Variants in DYNC2H1 observed in about 807,000 individuals in gnomAD.
The protein encoded by DYNC2H1 is dynein cytoplasmic 2 heavy chain 1, also known as cytoplasmic dynein 2 heavy chain 1.
A neutral mutation model predicts 570.0 loss-of-function variants in DYNC2H1; 410 were observed. The observed-to-expected ratio is 0.72, with a 90% CI of 0.66 to 0.78. DYNC2H1 has a LOEUF of 0.78. Ranked by LOEUF, DYNC2H1 falls within the 30% of genes least tolerant of loss-of-function variation. The pLI is 0.00. For missense variants in DYNC2H1, 4,865 were observed against 5,046.4 expected (o/e 0.96, Z 1.09); for synonymous variants, 1,688 against 1,677.6 (o/e 1.01, Z -0.15).
chr11:103,245,138 C>A lies in DYNC2H1; in HGVS notation c.9919-113C>A. The stretch of plus-strand genomic sequence containing the variant: ...GTGAGTAATTTATTACCTATAGAAT[C>A]TGAAATTGTGTTTCTATAACATTTT... On this transcript the variant is annotated intron_variant, in intron 64 of 88. Transcript: ENST00000375735. The surrounding 1 kb of genome is among the most constrained non-coding windows in gnomAD (Gnocchi z 4.5). The A allele has an allele frequency of 2.2e-6, 2 of 918,866 alleles. No individual in the cohort carries two copies. Among genetic ancestry groups the A allele is most frequent in the South Asian group, 3.8e-5 (2 of 52,186 alleles). The allele number at this position is 918,866 out of a possible 1,614,324, so 56.9% of individuals were successfully genotyped here.
At chr11:103,230,027 G>A (rs994913549) in intron 59 of DYNC2H1, among the ~76,000 whole-genome samples, 6 of 152,130 alleles carry the variant, frequency 3.9e-5, no homozygotes, top group Non-Finnish European at 8.8e-5. Flanking sequence ...AACTGATTCT[G>A]ATTCAGATAT....
At chr11:103,166,756 T>C (rs893207754) in intron 31 of DYNC2H1, among the ~76,000 whole-genome samples, 5 of 152,086 alleles carry the variant, frequency 3.3e-5, no homozygotes, top group Non-Finnish European at 5.9e-5. Context: ...GATTTTCTCA[T>C]ATTCTTTAGT....
chr11:103,186,055 G>A lies in DYNC2H1; in HGVS notation c.6634-187G>A, dbSNP rs1269081810. 6.6e-6 allele frequency among the ~76,000 whole-genome samples: 1 copy of A among 151,774 alleles called. No homozygotes were observed. Among genetic ancestry groups the A allele is most frequent in the Non-Finnish European group, 1.5e-5 (1 of 67,900 alleles). On this transcript the variant is annotated intron_variant, in intron 41 of 88. Coordinates refer to ENST00000375735, the MANE Select transcript of DYNC2H1 (RefSeq NM_001377.3). The surrounding 1 kb of genome is among the most constrained non-coding windows in gnomAD (Gnocchi z 4.5). Reference sequence around the variant, plus strand: ...CTCCTATATATACTTTAATTTACTTGCATAAATGATCATTTAGAGAAAAAT... The same window carrying A: ...CTCCTATATATACTTTAATTTACTTACATAAATGATCATTTAGAGAAAAAT...
At position 103,256,126 on chromosome 11, in the gene DYNC2H1, C is replaced by A; in HGVS notation, c.10347C>A (p.Gly3449=). Residue 3449 remains glycine, a synonymous_variant, in exon 68 of 89, where the codon GGC becomes GGA. Coordinates refer to ENST00000375735, the MANE Select transcript of DYNC2H1 (RefSeq NM_001377.3). The surrounding 1 kb of genome is among the most constrained non-coding windows in gnomAD (Gnocchi z 4.0). The part of the protein sequence containing the change: ...SLLETLATSQ[G]NILENKDLIE... ...TACAGACACTTGCCACATCTCAAGGCAATATTTTGGAAAATAAGGATTTGA... is the reference window on the plus strand; with the variant it reads ...TACAGACACTTGCCACATCTCAAGGAAATATTTTGGAAAATAAGGATTTGA... 1 of 1,605,446 alleles carries A rather than the reference C, an allele frequency of 6.2e-7. No homozygotes were observed.
At chr11:103,458,501 T>G (rs1033819681) in intron 87 of DYNC2H1, among the ~76,000 whole-genome samples, 4 of 152,148 alleles carry the variant, frequency 2.6e-5, no homozygotes, top group Non-Finnish European at 5.9e-5. Flanking sequence ...CCCGAGCATT[T>G]CAGATAAGGG....
chr11:103,336,881 A>C (rs1001195446), intron 82 of DYNC2H1, among the ~76,000 whole-genome samples: 2 of 152,090 alleles, frequency 1.3e-5, no homozygotes, highest in African/African-American at 4.8e-5. Flanking sequence ...CAATATACTG[A>C]TTTCCTTTTT....
rs1261129983 is a variant in DYNC2H1 at position 103,428,181 on chromosome 11, T to G, written c.12367-7762T>G. On this transcript the variant is annotated intron_variant, in intron 84 of 88. Transcript: ENST00000375735. Reference sequence around the variant, plus strand: ...ATGGATATATGGTCTCTCTATAACATGAGCTTTTTTTTTTTTTTTCAGAAT... The same window carrying G: ...ATGGATATATGGTCTCTCTATAACAGGAGCTTTTTTTTTTTTTTTCAGAAT... 1.8e-5 allele frequency among the ~76,000 whole-genome samples: 2 copies of G among 112,864 alleles called. 1 individual carries two copies. Among genetic ancestry groups the G allele is most frequent in the East Asian group, 5.4e-4 (2 of 3,728 alleles). The allele number at this position is 112,864 out of a possible 152,430, so 74.0% of individuals were successfully genotyped here.
In DYNC2H1 at chr11:103,399,774, G is replaced by A. The variant is rs376545196; in HGVS notation, c.12268G>A (p.Val4090Ile). 40 of 1,613,774 alleles carry A rather than the reference G, an allele frequency of 2.5e-5. No individual in the cohort carries two copies. In the African/African-American group the frequency reaches 4.9e-4, roughly 20 times the overall value. The change falls in exon 84 of 89, where the codon GTC (valine) becomes ATC (isoleucine). Residue 4090 changes from valine to isoleucine, a missense_variant. Physicochemically the swap from Val to Ile is conservative, Grantham distance 29. This residue lies in a region of DYNC2H1 where 2,401 missense variants were observed against 2,454.6 expected (regional missense o/e 0.98). Transcript: ENST00000375735. ...QFNAIRLVQSVHQSLAALSKV... is the reference protein window; with the variant it reads ...QFNAIRLVQSIHQSLAALSKV... ...TAATGCTATTCGTTTAGTACAAAGTGTCCACCAGTCTCTTGCTGCTCTCAG... is the reference window on the plus strand; with the variant it reads ...TAATGCTATTCGTTTAGTACAAAGTATCCACCAGTCTCTTGCTGCTCTCAG...
chr11:103,406,025 T>C (rs1942852667), intron 84 of DYNC2H1, among the ~76,000 whole-genome samples: 1 of 152,026 alleles, frequency 6.6e-6, no homozygotes, highest in Non-Finnish European at 1.5e-5. Flanking sequence ...TTAGGATGTT[T>C]AGCTGTTAAC....
intron 5 of DYNC2H1, among the ~76,000 whole-genome samples, chr11:103,117,211 ATATATATATATTTAATATATG>A (rs1378681033): frequency 6.8e-6 from 1 of 146,916 alleles, no homozygotes; most frequent in Non-Finnish European, 1.5e-5. Context: ...AATTGTATAT[ATATATATATATTTAATATATG>A]TATATATATA....
At chr11:103,309,586 A>G (rs1415791842) in intron 78 of DYNC2H1, among the ~76,000 whole-genome samples, 1 of 151,840 alleles carries the variant, frequency 6.6e-6, no homozygotes, top group Non-Finnish European at 1.5e-5. Context: ...ATTAATCCAG[A>G]AATGCAAAGA....
At chr11:103,475,890 C>T (rs1322570270) in intron 88 of DYNC2H1, among the ~76,000 whole-genome samples, 1 of 152,056 alleles carries the variant, frequency 6.6e-6, no homozygotes, top group Non-Finnish European at 1.5e-5. Flanking sequence ...AAAGGAATAA[C>T]ATCGTAAAAC....
chr11:103,324,352 G>A lies in DYNC2H1; in HGVS notation c.12039+362G>A, dbSNP rs1938362230. Among the ~76,000 whole-genome samples, 1 of 152,064 alleles carries A rather than the reference G, an allele frequency of 6.6e-6. No individual in the cohort carries two copies. The highest frequency in any genetic ancestry group is 2.4e-5 in the African/African-American group (1 of 41,404). ...CCTCCACCCTCAAGTAGGCCCTGGT[G>A]TCTGTTGTTCCCTTCTTTGTATCCA... On this transcript the variant is annotated intron_variant, in intron 82 of 88. Transcript: ENST00000375735. The surrounding 1 kb of genome is among the most constrained non-coding windows in gnomAD (Gnocchi z 5.2).
intron 52 of DYNC2H1, among the ~76,000 whole-genome samples, chr11:103,208,236 A>AT (rs1863013748): frequency 6.6e-6 from 1 of 152,160 alleles, no homozygotes; most frequent in South Asian, 2.1e-4. Flanking sequence ...GGATATTGAA[A>AT]TTGAAAATAA....
At chr11:103,152,049 T>C in intron 20 of DYNC2H1, 87 bp from the exon 21 acceptor site, 3 of 1,311,380 alleles carry the variant, frequency 2.3e-6, no homozygotes, top group East Asian at 2.6e-5. Context: ...AATAAAGTTA[T>C]GAAACAAAAA....
intron 70 of DYNC2H1, among the ~76,000 whole-genome samples, chr11:103,262,030 C>G (rs1413189115): frequency 6.6e-6 from 1 of 152,140 alleles, no homozygotes; most frequent in Non-Finnish European, 1.5e-5. Flanking sequence ...CTGAAAAACA[C>G]AGCACAAGAA....
chr11:103,364,535 CT>C (rs1940803285), intron 83 of DYNC2H1, among the ~76,000 whole-genome samples: 1 of 150,216 alleles, frequency 6.7e-6, no homozygotes, highest in South Asian at 2.1e-4. Context: ...TAATGAATAA[CT>C]TTGTACTATA....
chr11:103,193,465 G>C (rs1315107880), intron 47 of DYNC2H1, among the ~76,000 whole-genome samples: 2 of 152,024 alleles, frequency 1.3e-5, no homozygotes, highest in Non-Finnish European at 2.9e-5. Context: ...TCCTGTCTAA[G>C]ACTCAATAAA....
chr11:103,259,834 G>C, intron 69 of DYNC2H1, 54 bp from the exon 70 acceptor site: 1 of 1,220,572 alleles, frequency 8.2e-7, no homozygotes, highest in Non-Finnish European at 1.1e-6. Context: ...ATTTATAGGC[G>C]TACTTTTTAA....
Sources: gnomAD v4.1 joint callset for allele counts (sites outside exome capture counted in the v4.1 genomes callset) on GRCh38, gnomAD v4.1.1 for gene constraint, gnomAD v4.1.1 regional missense constraint, Gnocchi (gnomAD v3.1) non-coding constraint, MANE v1.5 for transcripts, NCBI Gene and HGNC (gene_info 2026-07-23, HGNC 2026-07-21) for gene names.